MIB1: variants seen among roughly 807,000 people sequenced by gnomAD.
The protein encoded by MIB1 is E3 ubiquitin-protein ligase MIB1.
Under a neutral mutation model 124.5 loss-of-function variants are expected in MIB1, and 278 were observed. The observed-to-expected ratio is 2.23, with a 90% CI of 2.02 to 2.47. MIB1 has a LOEUF of 2.47. MIB1 is among the 30% of genes most tolerant of loss of function. The pLI is 0.00. For synonymous variants in MIB1, 446 were observed against 429.4 expected (o/e 1.04, Z -0.48); for missense variants, 957 against 1,254.4 (o/e 0.76, Z 3.58).
intron 11 of MIB1, among the ~76,000 whole-genome samples, chr18:21,818,611 A>G (rs533520871): frequency 6.6e-5 from 10 of 152,112 alleles, no homozygotes; most frequent in Non-Finnish European, 1.2e-4. Flanking sequence ...CAAGACCAGC[A>G]TGGGCAACAT....
At chr18:21,763,927 ATTTTT>A (rs1176658196) in intron 1 of MIB1, among the ~76,000 whole-genome samples, 1 of 150,788 alleles carries the variant, frequency 6.6e-6, no homozygotes, top group Non-Finnish European at 1.5e-5. Context: ...GTGATTTTTT[ATTTTT>A]TTTATTTTTT....
chr18:21,731,052 C>A (rs2040767382), intron 1 of MIB1, among the ~76,000 whole-genome samples: 1 of 152,176 alleles, frequency 6.6e-6, no homozygotes, highest in South Asian at 2.1e-4. Context: ...CTTGTACTTA[C>A]CTTTCAACCC....
chr18:21,708,668 A>T (rs1202420864), intron 1 of MIB1, among the ~76,000 whole-genome samples: 1 of 152,100 alleles, frequency 6.6e-6, no homozygotes, highest in East Asian at 1.9e-4. Flanking sequence ...AAACCCAAAA[A>T]ACCAAGTAAC....
At chr18:21,719,080 T>A (rs2040702535) in intron 1 of MIB1, among the ~76,000 whole-genome samples, 1 of 151,384 alleles carries the variant, frequency 6.6e-6, no homozygotes, top group Non-Finnish European at 1.5e-5. Flanking sequence ...CCCAGCTACT[T>A]GGGAGGCCGA....
intron 10 of MIB1, among the ~76,000 whole-genome samples, chr18:21,815,213 G>T (rs563451778): frequency 2.0e-4 from 31 of 151,262 alleles, no homozygotes; most frequent in African/African-American, 7.5e-4. Flanking sequence ...CTGTTGCCCC[G>T]GTCAGAGTGC....
intron 1 of MIB1, among the ~76,000 whole-genome samples, chr18:21,756,743 C>T (rs1417389118): frequency 1.3e-5 from 2 of 152,122 alleles, no homozygotes; most frequent in African/African-American, 4.8e-5. Context: ...GGATTACAGG[C>T]GTGAGCCACC....
chr18:21,719,995 G>T (rs1169422138), intron 1 of MIB1, among the ~76,000 whole-genome samples: 2 of 152,116 alleles, frequency 1.3e-5, no homozygotes, highest in African/African-American at 4.8e-5. Flanking sequence ...TTTAAAAAAA[G>T]ATTTATAAGA....
At chr18:21,789,245 C>G (rs1011438976) in intron 6 of MIB1, among the ~76,000 whole-genome samples, 3 of 151,672 alleles carry the variant, frequency 2.0e-5, no homozygotes, top group African/African-American at 7.3e-5. Context: ...ATGCATCACT[C>G]TATATTCTCT....
intron 1 of MIB1, among the ~76,000 whole-genome samples, chr18:21,742,276 CTTT>C (rs573203298): frequency 0.013 from 1,816 of 136,630 alleles, 47 homozygotes; most frequent in African/African-American, 0.045. Flanking sequence ...GTGGAGATGC[CTTT>C]TTTTTTTTTT....
At chr18:21,813,527 G>C (rs529954072) in intron 10 of MIB1, among the ~76,000 whole-genome samples, 2 of 151,992 alleles carry the variant, frequency 1.3e-5, no homozygotes, top group African/African-American at 2.4e-5. Context: ...AAATTGATAC[G>C]TAACAAAAAC....
intron 1 of MIB1, among the ~76,000 whole-genome samples, chr18:21,732,349 TATAC>T (rs1318920476): frequency 1.8e-5 from 1 of 55,002 alleles, no homozygotes; most frequent in Non-Finnish European, 3.9e-5. Context: ...ATATTATATG[TATAC>T]ACACACACAC....
chr18:21,721,171 T>G (rs1414026019), intron 1 of MIB1, among the ~76,000 whole-genome samples: 3 of 99,922 alleles, frequency 3.0e-5, no homozygotes, highest in South Asian at 8.0e-4. Context: ...TTTTTTTTTT[T>G]TTTTTTTTTT....
At chr18:21,769,827 G>A (rs2146412508) in intron 3 of MIB1, among the ~76,000 whole-genome samples, 1 of 152,190 alleles carries the variant, frequency 6.6e-6, no homozygotes, top group South Asian at 2.1e-4. Flanking sequence ...CACTTTTTTG[G>A]GATAAAAGAA....
chr18:21,806,288 A>G (rs1452306057), intron 10 of MIB1, among the ~76,000 whole-genome samples: 8 of 151,410 alleles, frequency 5.3e-5, no homozygotes, highest in Non-Finnish European at 7.4e-5. Context: ...GCAGCCTTGA[A>G]TTCCCAGGCT....
At chr18:21,744,313 A>T (rs940108846) in intron 1 of MIB1, among the ~76,000 whole-genome samples, 14 of 152,112 alleles carry the variant, frequency 9.2e-5, no homozygotes, top group African/African-American at 3.4e-4. Context: ...TTAAAAATTA[A>T]CTTTTGTTTT....
intron 18 of MIB1, among the ~76,000 whole-genome samples, chr18:21,854,197 G>A (rs1248532957): frequency 6.6e-6 from 1 of 152,096 alleles, no homozygotes; most frequent in African/African-American, 2.4e-5. Context: ...AGTAAAAAAG[G>A]ACTCAGGTTA....
chr18:21,823,780 C>T (rs1180726275), intron 12 of MIB1, among the ~76,000 whole-genome samples: 1 of 151,980 alleles, frequency 6.6e-6, no homozygotes, highest in Non-Finnish European at 1.5e-5. Flanking sequence ...GAAATCTTAA[C>T]TAAGAACAAT....
chr18:21,852,237 G>A (rs2042186386), intron 17 of MIB1, among the ~76,000 whole-genome samples: 1 of 152,194 alleles, frequency 6.6e-6, no homozygotes, highest in African/African-American at 2.4e-5. Context: ...TCTGCATTCT[G>A]CTTTTTCTAT....
At chr18:21,849,960 T>A (rs1351264746) in intron 17 of MIB1, among the ~76,000 whole-genome samples, 1 of 152,146 alleles carries the variant, frequency 6.6e-6, no homozygotes, top group Non-Finnish European at 1.5e-5. Context: ...TTGATCAGGG[T>A]CAGCTTAACA....
Sources: allele counts gnomAD v4.1 joint callset (sites outside exome capture counted in the v4.1 genomes callset), GRCh38; gene constraint gnomAD v4.1.1; transcripts MANE v1.5; gene names NCBI Gene and HGNC (gene_info 2026-07-23, HGNC 2026-07-21).